Variants in CFAP61 observed in about 807,000 individuals in gnomAD.
CFAP61 encodes cilia and flagella associated protein 61, also known as cilia- and flagella-associated protein 61.
Under a neutral mutation model 135.6 loss-of-function variants are expected in CFAP61, and 107 were observed. The observed-to-expected ratio is 0.79, with a 90% CI of 0.67 to 0.93. The LOEUF (loss-of-function observed/expected upper bound fraction) is 0.93. Ranked by LOEUF, CFAP61 falls within the 40% of genes least tolerant of loss-of-function variation. The pLI, the probability that CFAP61 is intolerant of heterozygous loss-of-function variation, is 0.00. For synonymous variants in CFAP61, 575 were observed against 578.5 expected, an observed-to-expected ratio of 0.99 and a Z score of 0.09; for missense variants, 1,507 against 1,556.2, an observed-to-expected ratio of 0.97 and a Z score of 0.53.
intron 17 of CFAP61, among the ~76,000 whole-genome samples, chr20:20,202,589 GACACAAGTTGAGCCAAGTAGAATAT>G (rs2056676495): frequency 6.6e-6 from 1 of 152,096 alleles, no homozygotes; most frequent in African/African-American, 2.4e-5. Context: ...GTGATTATCT[GACACAAGTTGAGCCAAGTAGAATAT>G]TTTTAGGAGG....
intron 6 of CFAP61, among the ~76,000 whole-genome samples, chr20:20,076,145 C>T (rs1321248442): frequency 3.3e-5 from 5 of 152,158 alleles, no homozygotes; most frequent in African/African-American, 1.2e-4. Context: ...TGTGACTTTG[C>T]CACTCCTCTC....
chr20:20,075,003 AG>A (rs1346777938), intron 4 of CFAP61, among the ~76,000 whole-genome samples, 185 bp from the exon 5 acceptor site: 1 of 152,206 alleles, frequency 6.6e-6, no homozygotes, highest in Non-Finnish European at 1.5e-5. Context: ...TTAGAACCCA[AG>A]GAAAAGTAGA....
At chr20:20,205,724 T>C (rs1259353885) in intron 17 of CFAP61, among the ~76,000 whole-genome samples, 2 of 152,244 alleles carry the variant, frequency 1.3e-5, no homozygotes, top group Admixed American at 1.3e-4. Flanking sequence ...GTTGGTGTGC[T>C]GGCAGGTTTT....
chr20:20,291,904 C>T (rs973366718), intron 24 of CFAP61, among the ~76,000 whole-genome samples: 1 of 152,228 alleles, frequency 6.6e-6, no homozygotes, highest in Admixed American at 6.5e-5. Flanking sequence ...GTCTACTTAA[C>T]TTCCATTCCC....
At chr20:20,134,186 T>C (rs2050751931) in intron 8 of CFAP61, among the ~76,000 whole-genome samples, 1 of 152,190 alleles carries the variant, frequency 6.6e-6, no homozygotes, top group Admixed American at 6.5e-5. Flanking sequence ...CCACATAGAC[T>C]TCATAGCCTC....
chr20:20,191,498 GTTGTAC>G, intron 15 of CFAP61, 79 bp downstream of exon 15: 1 of 999,962 alleles, frequency 1.0e-6, no homozygotes, highest in Non-Finnish European at 1.5e-6. Context: ...CCCTTTTGGA[GTTGTAC>G]TTTTACTTAT....
chr20:20,243,445 T>TC (rs397743050), intron 18 of CFAP61, among the ~76,000 whole-genome samples: 1 of 151,744 alleles, frequency 6.6e-6, no homozygotes, highest in Non-Finnish European at 1.5e-5. Flanking sequence ...TTTTTTTTTT[T>TC]CTTTTTTTTG....
intron 3 of CFAP61, among the ~76,000 whole-genome samples, chr20:20,072,733 A>G (rs938295233): frequency 6.6e-6 from 1 of 152,212 alleles, no homozygotes; most frequent in Non-Finnish European, 1.5e-5. Flanking sequence ...AGCGCTTGAA[A>G]TGTAGCTAGT....
intron 22 of CFAP61, among the ~76,000 whole-genome samples, chr20:20,283,401 A>G (rs1433074920): frequency 2.0e-5 from 3 of 152,162 alleles, no homozygotes; most frequent in Non-Finnish European, 4.4e-5. Flanking sequence ...TTTACATGAT[A>G]TATTTCCCAT....
chr20:20,147,408 A>G (rs529880158), intron 9 of CFAP61, among the ~76,000 whole-genome samples: 28 of 152,100 alleles, frequency 1.8e-4, no homozygotes, highest in Admixed American at 1.0e-3. Context: ...ACCAACATCT[A>G]TTGTTTTTGA....
chr20:20,331,192 C>T (rs1421033871), intron 25 of CFAP61, among the ~76,000 whole-genome samples: 1 of 152,074 alleles, frequency 6.6e-6, no homozygotes, highest in African/African-American at 2.4e-5. Context: ...GTCCCTTCTC[C>T]TCCGTTTATT....
intron 14 of CFAP61, among the ~76,000 whole-genome samples, chr20:20,190,354 A>G (rs902878625): frequency 2.6e-5 from 4 of 151,998 alleles, no homozygotes; most frequent in South Asian, 2.1e-4. Context: ...AAAAAAGCCA[A>G]CCCCTACAGG....
chr20:20,356,331 CTGAGGGGAGGTGGTCATACTG>C (rs2122482519), intron 26 of CFAP61, among the ~76,000 whole-genome samples: 1 of 122,060 alleles, frequency 8.2e-6, no homozygotes, highest in African/African-American at 3.3e-5. Flanking sequence ...AGTGGTCACA[CTGAGGGGAGGTGGTCATACTG>C]TGAGGGGAAG....
At chr20:20,059,091 G>A (rs2044591490) in intron 2 of CFAP61, among the ~76,000 whole-genome samples, 1 of 152,110 alleles carries the variant, frequency 6.6e-6, no homozygotes, top group South Asian at 2.1e-4. Context: ...AGCACTTTGG[G>A]AGGCCGAGGC....
chr20:20,354,789 T>C (rs577465882), intron 26 of CFAP61, among the ~76,000 whole-genome samples: 11 of 136,916 alleles, frequency 8.0e-5, no homozygotes, highest in Admixed American at 3.7e-4. Context: ...AGAGGGGAGG[T>C]GGTCACACTG....
chr20:20,218,955 G>T (rs1387127380), intron 17 of CFAP61, among the ~76,000 whole-genome samples: 1 of 152,188 alleles, frequency 6.6e-6, no homozygotes, highest in Non-Finnish European at 1.5e-5. Flanking sequence ...GTGGGCCCCA[G>T]ATGGAGTCAC....
chr20:20,304,184 C>G (rs2056293506), intron 25 of CFAP61, among the ~76,000 whole-genome samples: 1 of 151,886 alleles, frequency 6.6e-6, no homozygotes, highest in South Asian at 2.1e-4. Context: ...TGGATTCCAC[C>G]TATATTTTAT....
intron 25 of CFAP61, chr20:20,322,749 T>C (rs1360825292): frequency 1.0e-6 from 1 of 985,240 alleles, no homozygotes; most frequent in Admixed American, 6.1e-5. Flanking sequence ...GAAGAGATCA[T>C]TAGAGGGTCC....
intron 8 of CFAP61, among the ~76,000 whole-genome samples, chr20:20,105,905 C>CT (rs981030695): frequency 6.7e-6 from 1 of 150,246 alleles, no homozygotes; most frequent in Non-Finnish European, 1.5e-5. Flanking sequence ...TCCCAAAGTG[C>CT]TGGGATTACA....
Sources: gnomAD v4.1 joint callset for allele counts (sites outside exome capture counted in the v4.1 genomes callset) on GRCh38, gnomAD v4.1.1 for gene constraint, MANE v1.5 for transcripts, NCBI Gene and HGNC (gene_info 2026-07-23, HGNC 2026-07-21) for gene names.